Variants in PPM1L observed in about 807,000 individuals in gnomAD.
PPM1L encodes the protein protein phosphatase, Mg2+/Mn2+ dependent 1L, also known as protein phosphatase 1L.
A neutral mutation model predicts 31.4 loss-of-function variants in PPM1L; 13 were observed. The observed-to-expected ratio is 0.41, with a 90% CI of 0.27 to 0.66. The LOEUF (loss-of-function observed/expected upper bound fraction) is 0.66, where lower values mean the gene tolerates loss of function less well. Ranked by LOEUF, PPM1L falls within the 30% of genes least tolerant of loss-of-function variation. The pLI, the probability that PPM1L is intolerant of heterozygous loss-of-function variation, is 0.29. For synonymous variants in PPM1L, 184 were observed against 175.4 expected, an observed-to-expected ratio of 1.05 and a Z score of -0.39; for missense variants, 326 against 453.7, an observed-to-expected ratio of 0.72 and a Z score of 2.56.
intron 2 of PPM1L, among the ~76,000 whole-genome samples, chr3:161,047,214 C>T (rs1422892041): frequency 6.6e-6 from 1 of 152,182 alleles, no homozygotes; most frequent in Non-Finnish European, 1.5e-5. Flanking sequence ...CCAAAATCTC[C>T]TTAAGCTCAT....
At chr3:160,835,311 A>G (rs1560120714) in intron 1 of PPM1L, among the ~76,000 whole-genome samples, 1 of 151,834 alleles carries the variant, frequency 6.6e-6, no homozygotes, top group Non-Finnish European at 1.5e-5. Flanking sequence ...AGCAATGAGT[A>G]TCCACATCTC....
chr3:160,855,368 G>A (rs1248506581), intron 1 of PPM1L, among the ~76,000 whole-genome samples: 1 of 152,144 alleles, frequency 6.6e-6, no homozygotes. Flanking sequence ...AAGAAAGATT[G>A]ACAAATGGGA....
At chr3:160,823,307 T>C (rs1311635631) in intron 1 of PPM1L, among the ~76,000 whole-genome samples, 2 of 152,048 alleles carry the variant, frequency 1.3e-5, no homozygotes, top group South Asian at 2.1e-4. Context: ...ATAGTTGATA[T>C]ATGATATATT....
intron 1 of PPM1L, among the ~76,000 whole-genome samples, chr3:160,946,543 G>A (rs1715416618): frequency 6.6e-6 from 1 of 152,108 alleles, no homozygotes; most frequent in Admixed American, 6.6e-5. Flanking sequence ...TGATTACCCA[G>A]ATTTCATCTT....
At chr3:160,942,104 G>A (rs1464910560) in intron 1 of PPM1L, among the ~76,000 whole-genome samples, 2 of 152,160 alleles carry the variant, frequency 1.3e-5, no homozygotes, top group African/African-American at 4.8e-5. Context: ...GTGGAGGAAA[G>A]GCTAACTACA....
chr3:161,020,884 T>C (rs1041693775), intron 2 of PPM1L, among the ~76,000 whole-genome samples: 1 of 152,108 alleles, frequency 6.6e-6, no homozygotes, highest in Non-Finnish European at 1.5e-5. Flanking sequence ...ATCCTTTTAT[T>C]TTATTGATAT....
At chr3:160,761,020 G>A (rs1168203163) in intron 1 of PPM1L, among the ~76,000 whole-genome samples, 1 of 152,154 alleles carries the variant, frequency 6.6e-6, no homozygotes, top group Non-Finnish European at 1.5e-5. Flanking sequence ...TCCTTATGGA[G>A]GGTTGCCTGA....
intron 1 of PPM1L, among the ~76,000 whole-genome samples, chr3:160,838,196 T>C (rs1713775068): frequency 6.6e-6 from 1 of 152,198 alleles, no homozygotes; most frequent in African/African-American, 2.4e-5. Flanking sequence ...TCCATGGTTA[T>C]GAAGTAGTAG....
chr3:160,808,621 A>G (rs1712714977), intron 1 of PPM1L, among the ~76,000 whole-genome samples: 1 of 152,102 alleles, frequency 6.6e-6, no homozygotes, highest in African/African-American at 2.4e-5. Context: ...GCCAGCCCCA[A>G]AGAGCCAGAC....
chr3:160,921,090 T>G (rs1714386777), intron 1 of PPM1L, among the ~76,000 whole-genome samples: 1 of 152,226 alleles, frequency 6.6e-6, no homozygotes, highest in South Asian at 2.1e-4. Context: ...AAATTTAAGT[T>G]AGGCAATTCC....
intron 1 of PPM1L, among the ~76,000 whole-genome samples, chr3:160,884,009 G>C (rs1362916261): frequency 1.3e-5 from 2 of 151,878 alleles, no homozygotes; most frequent in Non-Finnish European, 2.9e-5. Flanking sequence ...GTTTGAGACT[G>C]CCACGAGCTG....
At chr3:160,998,336 T>A (rs555569307) in intron 2 of PPM1L, among the ~76,000 whole-genome samples, 4 of 152,234 alleles carry the variant, frequency 2.6e-5, no homozygotes, top group South Asian at 4.1e-4. Context: ...TAGTTGTTAA[T>A]GTTTTTATTA....
intron 2 of PPM1L, among the ~76,000 whole-genome samples, chr3:160,973,992 G>A (rs1342232129): frequency 2.1e-5 from 3 of 146,034 alleles, no homozygotes; most frequent in East Asian, 4.0e-4. Flanking sequence ...TCTAGCATTA[G>A]GTATATCTCC....
intron 2 of PPM1L, among the ~76,000 whole-genome samples, chr3:161,024,558 C>T (rs557493674): frequency 2.0e-5 from 3 of 151,978 alleles, no homozygotes; most frequent in African/African-American, 4.8e-5. Context: ...ATTAGCTGAG[C>T]GTGGTGGCAC....
Position 161,037,698 on chromosome 3 carries a change from C to T in PPM1L, c.575-27705C>T, listed in dbSNP as rs1002772789. Among the ~76,000 whole-genome samples, 6 of 149,410 alleles carry T rather than the reference C, an allele frequency of 4.0e-5. No homozygotes were observed. In the South Asian group the frequency reaches 1.3e-3, roughly 32 times the overall value. On this transcript the variant is annotated intron_variant, in intron 2 of 3. Coordinates refer to ENST00000498165, the MANE Select transcript of PPM1L (RefSeq NM_139245.4). ...CTGCCTGCCTCAGCCTCCCAAAGTG[C>T]TGGGATTACGGGCGTGAGCCACTGT... is the stretch of plus-strand genomic sequence containing the variant.
intron 1 of PPM1L, among the ~76,000 whole-genome samples, chr3:160,844,141 A>G (rs1418422177): frequency 6.6e-6 from 1 of 152,216 alleles, no homozygotes; most frequent in Non-Finnish European, 1.5e-5. Flanking sequence ...ATCTGAATGT[A>G]TTACTGTGAC....
intron 2 of PPM1L, among the ~76,000 whole-genome samples, chr3:161,012,605 C>T (rs546776446): frequency 1.3e-5 from 2 of 151,924 alleles, no homozygotes; most frequent in East Asian, 1.9e-4. Flanking sequence ...ACCAGTTCCT[C>T]CTTGTACCTC....
chr3:161,010,246 T>C (rs1444811681), intron 2 of PPM1L, among the ~76,000 whole-genome samples: 1 of 152,022 alleles, frequency 6.6e-6, no homozygotes. Flanking sequence ...AGTGAGAACA[T>C]GCAGTGTTTG....
chr3:161,066,810 T>G (rs552489215), intron 3 of PPM1L, among the ~76,000 whole-genome samples: 2 of 152,310 alleles, frequency 1.3e-5, no homozygotes, highest in South Asian at 4.1e-4. Flanking sequence ...GCCCAGTGAA[T>G]GAACTGAATG....
Sources: gnomAD v4.1 joint callset for allele counts (sites outside exome capture counted in the v4.1 genomes callset) on GRCh38, gnomAD v4.1.1 for gene constraint, MANE v1.5 for transcripts, NCBI Gene and HGNC (gene_info 2026-07-23, HGNC 2026-07-21) for gene names.